The following NPAS3 variants were observed in gnomAD, a reference collection of about 807,000 sequenced individuals.
The protein encoded by NPAS3 is neuronal PAS domain-containing protein 3.
Under a neutral mutation model 73.1 loss-of-function variants are expected in NPAS3, and 14 were observed. The ratio of observed to expected loss-of-function variants is 0.19; its 90% CI spans 0.13 to 0.30. The LOEUF (loss-of-function observed/expected upper bound fraction) is 0.30, where lower values mean the gene tolerates loss of function less well. Ranked by LOEUF, NPAS3 falls within the 10% of genes least tolerant of loss-of-function variation. NPAS3 has a pLI of 1.00. For missense variants in NPAS3, 1,096 were observed against 1,250.0 expected, an observed-to-expected ratio of 0.88 and a Z score of 1.86; for synonymous variants, 620 against 541.5, an observed-to-expected ratio of 1.14 and a Z score of -2.01.
chr14:32,938,503 G>GAGAGAGAGAGAA (rs2035792934), upstream of NPAS3, among the ~76,000 whole-genome samples: 17 of 113,046 alleles, frequency 1.5e-4, no homozygotes, highest in Non-Finnish European at 2.5e-4. Context: ...GAGAGAGAGA[G>GAGAGAGAGAGAA]AGAGAGAGAG....
At chr14:33,710,427 C>T (rs1054262156) in intron 6 of NPAS3, among the ~76,000 whole-genome samples, 2 of 152,184 alleles carry the variant, frequency 1.3e-5, no homozygotes, top group Non-Finnish European at 2.9e-5. Flanking sequence ...CACATAGCTT[C>T]TTATCCACCA....
intron 1 of NPAS3, among the ~76,000 whole-genome samples, chr14:32,949,736 A>G (rs145687707): frequency 2.3e-3 from 351 of 151,968 alleles, no homozygotes; most frequent in African/African-American, 6.9e-3. Context: ...TTTTCTGTTA[A>G]AAAGAAAAAA....
chr14:33,061,925 G>A (rs952176289), intron 2 of NPAS3, among the ~76,000 whole-genome samples: 10 of 152,302 alleles, frequency 6.6e-5, no homozygotes, highest in Admixed American at 6.5e-4. Flanking sequence ...TGGAGGAGGA[G>A]CTATCTGAGC....
At chr14:33,312,523 A>G (rs1000514939) in intron 3 of NPAS3, among the ~76,000 whole-genome samples, 1 of 152,100 alleles carries the variant, frequency 6.6e-6, no homozygotes, top group Non-Finnish European at 1.5e-5. Context: ...TTGAATTAAA[A>G]AGTTGCAACA....
intron 4 of NPAS3, among the ~76,000 whole-genome samples, chr14:33,539,053 G>A (rs771383738): frequency 2.6e-5 from 4 of 152,078 alleles, no homozygotes; most frequent in Non-Finnish European, 5.9e-5. Context: ...TGTATCCTGC[G>A]GAGGGAGGGG....
At chr14:33,185,593 T>C (rs1594337246) in intron 2 of NPAS3, among the ~76,000 whole-genome samples, 1 of 152,162 alleles carries the variant, frequency 6.6e-6, no homozygotes, top group African/African-American at 2.4e-5. Flanking sequence ...TCTTGCAAAA[T>C]AGTGTTGCCT....
At chr14:33,479,151 C>A (rs1302699233) in intron 4 of NPAS3, among the ~76,000 whole-genome samples, 1 of 152,192 alleles carries the variant, frequency 6.6e-6, no homozygotes, top group East Asian at 1.9e-4. Context: ...TTTAATATTT[C>A]TTTGTGCTAA....
At chr14:33,466,435 A>G (rs945623967) in intron 4 of NPAS3, among the ~76,000 whole-genome samples, 1 of 152,218 alleles carries the variant, frequency 6.6e-6, no homozygotes, top group Non-Finnish European at 1.5e-5. Flanking sequence ...GTTATCAAGT[A>G]AATACTATCA....
Position 33,405,482 on chromosome 14 carries a change from A to G in NPAS3, c.468+38214A>G, listed in dbSNP as rs531560374. On this transcript the variant is annotated intron_variant, in intron 4 of 11. Transcript: ENST00000356141. ...GTATAAAGCAAATGAACATGAATGA[A>G]GCTATAAATTTGACTGCTTCTTTGT... is the stretch of plus-strand genomic sequence containing the variant. 4.6e-5 allele frequency among the ~76,000 whole-genome samples: 7 copies of G among 152,198 alleles called. No individual in the cohort carries two copies. The South Asian group carries it at 8.3e-4, about 18-fold the overall frequency.
At chr14:33,576,626 A>G (rs1317045502) in intron 5 of NPAS3, among the ~76,000 whole-genome samples, 1 of 152,184 alleles carries the variant, frequency 6.6e-6, no homozygotes, top group Non-Finnish European at 1.5e-5. Flanking sequence ...AAAAATTGAA[A>G]TATCCCTGCC....
intron 1 of NPAS3, among the ~76,000 whole-genome samples, chr14:33,049,583 A>G (rs2040629804): frequency 6.6e-6 from 1 of 152,220 alleles, no homozygotes; most frequent in Non-Finnish European, 1.5e-5. Context: ...GAAACAGCAC[A>G]GGAAAGACCT....
intron 6 of NPAS3, among the ~76,000 whole-genome samples, chr14:33,733,426 C>T (rs2061447986): frequency 6.6e-6 from 1 of 152,052 alleles, no homozygotes; most frequent in Admixed American, 6.6e-5. Flanking sequence ...GCACGGCTGA[C>T]TGACAGTTCT....
At chr14:33,338,135 A>G (rs926910417) in intron 3 of NPAS3, among the ~76,000 whole-genome samples, 1 of 152,112 alleles carries the variant, frequency 6.6e-6, no homozygotes, top group Non-Finnish European at 1.5e-5. Context: ...TTCAAAGAGC[A>G]AACTGGATAA....
At chr14:33,091,157 GATAGAGACACAAAAAACT>G (rs1236345294) in intron 2 of NPAS3, among the ~76,000 whole-genome samples, 5 of 152,094 alleles carry the variant, frequency 3.3e-5, no homozygotes, top group Admixed American at 3.3e-4. Context: ...AACTGAAGGA[GATAGAGACACAAAAAACT>G]ATTCAAAAAA....
intron 1 of NPAS3, among the ~76,000 whole-genome samples, chr14:33,049,837 G>C (rs1289996130): frequency 6.6e-6 from 1 of 152,240 alleles, no homozygotes; most frequent in Non-Finnish European, 1.5e-5. Flanking sequence ...AGGGAGGTAA[G>C]AAGACAGAGG....
chr14:33,211,417 G>A (rs557322655), intron 2 of NPAS3, among the ~76,000 whole-genome samples: 34 of 152,226 alleles, frequency 2.2e-4, no homozygotes, highest in Non-Finnish European at 4.0e-4. Context: ...AGCTGAGCAC[G>A]GTGGTGCATG....
chr14:33,438,142 C>G (rs551732671), intron 4 of NPAS3, among the ~76,000 whole-genome samples: 2 of 152,250 alleles, frequency 1.3e-5, no homozygotes, highest in African/African-American at 4.8e-5. Context: ...AATGTGACTT[C>G]ATGTGAAATT....
intron 1 of NPAS3, among the ~76,000 whole-genome samples, chr14:33,045,698 G>A (rs1281501211): frequency 2.0e-5 from 3 of 152,154 alleles, no homozygotes; most frequent in Non-Finnish European, 4.4e-5. Flanking sequence ...GTTCTAATTT[G>A]AGTTGATGGT....
intron 1 of NPAS3, among the ~76,000 whole-genome samples, chr14:32,994,615 TTTG>T (rs1009742381): frequency 5.8e-5 from 8 of 136,994 alleles, no homozygotes; most frequent in African/African-American, 2.5e-4. Flanking sequence ...ATTCTAGTTT[TTTG>T]TTTGTTTGTT....
Sources: gnomAD v4.1 joint callset for allele counts (sites outside exome capture counted in the v4.1 genomes callset) on GRCh38, gnomAD v4.1.1 for gene constraint, MANE v1.5 for transcripts, NCBI Gene and HGNC (gene_info 2026-07-23, HGNC 2026-07-21) for gene names.